The following TLK2 variants were observed in gnomAD, a reference collection of about 807,000 sequenced individuals.
TLK2 encodes the protein tousled like kinase 2.
A neutral mutation model predicts 117.3 loss-of-function variants in TLK2; 6 were observed. The ratio of observed to expected loss-of-function variants is 0.05; its 90% CI spans 0.03 to 0.10. The LOEUF is 0.10. Among genes scored for constraint, TLK2 ranks in the 10% least tolerant of loss-of-function variants. The pLI is 1.00. For synonymous variants in TLK2, 257 were observed against 316.7 expected (o/e 0.81, Z 2.00); for missense variants, 299 against 901.2 (o/e 0.33, Z 8.56).
At chr17:62,563,088 A>G (rs1485647265) in intron 10 of TLK2, among the ~76,000 whole-genome samples, 4 of 152,198 alleles carry the variant, frequency 2.6e-5, no homozygotes, top group African/African-American at 9.7e-5. Context: ...AAATTATTAT[A>G]TTGTCATACA....
chr17:62,526,843 G>A (rs2076396250), intron 6 of TLK2, among the ~76,000 whole-genome samples: 1 of 152,142 alleles, frequency 6.6e-6, no homozygotes, highest in African/African-American at 2.4e-5. Flanking sequence ...TTTCAAAGTA[G>A]TCTCCTTGTT....
intron 2 of TLK2, among the ~76,000 whole-genome samples, chr17:62,508,715 G>T (rs1286462697): frequency 6.6e-6 from 1 of 152,094 alleles, no homozygotes; most frequent in Non-Finnish European, 1.5e-5. Flanking sequence ...GCCTGTAATC[G>T]CAGCACTTTG....
chr17:62,524,202 G>C, intron 5 of TLK2, 34 bp from the exon 6 acceptor site: 2 of 1,612,798 alleles, frequency 1.2e-6, no homozygotes, highest in South Asian at 1.1e-5. Flanking sequence ...GTACTGTTTT[G>C]AATTATTCAT....
At chr17:62,480,072 T>G (rs1015570590) in intron 1 of TLK2, among the ~76,000 whole-genome samples, 2 of 152,254 alleles carry the variant, frequency 1.3e-5, no homozygotes, top group African/African-American at 4.8e-5. Context: ...TTCATTCCCC[T>G]TTGCCCCAGG....
chr17:62,540,400 A>ATTTTTTTTTTTTTTTTTTTTTT lies in TLK2; in HGVS notation c.531+4065_531+4086dup, dbSNP rs534202077. ...ATTTTACCTTCAAAATATGTTCAGA[A>ATTTTTTTTTTTTTTTTTTTTTT]TTTTTTTTTTTTTTTTTTTTTTTGA... is the stretch of plus-strand genomic sequence containing the variant. On this transcript the variant is annotated intron_variant, in intron 7 of 21. Transcript: ENST00000346027. 9.0e-4 allele frequency among the ~76,000 whole-genome samples: 18 copies of ATTTTTTTTTTTTTTTTTTTTTT among 19,988 alleles called. 3 individuals carry two copies. Among genetic ancestry groups the ATTTTTTTTTTTTTTTTTTTTTT allele is most frequent in the Non-Finnish European group, 1.5e-3 (7 of 4,526 alleles). The allele number at this position is 19,988 out of a possible 152,430, so 13.1% of individuals were successfully genotyped here. A position where few individuals can be genotyped will look rare whatever the true frequency, so the allele number is the denominator to read the frequency against.
chr17:62,526,854 T>C (rs2145649558), intron 6 of TLK2, among the ~76,000 whole-genome samples: 1 of 152,360 alleles, frequency 6.6e-6, no homozygotes, highest in African/African-American at 2.4e-5. Context: ...TCTCCTTGTT[T>C]TTGCCCTTGT....
intron 15 of TLK2, among the ~76,000 whole-genome samples, 167 bp downstream of exon 15, chr17:62,580,359 G>T (rs758413790): frequency 1.3e-5 from 2 of 152,040 alleles, no homozygotes; most frequent in Non-Finnish European, 2.9e-5. Flanking sequence ...AAACCTAAGT[G>T]ACCAAGCAGA....
Position 62,486,353 on chromosome 17 carries a change from T to C in TLK2, c.81+5147T>C, listed in dbSNP as rs540671913. 3.3e-5 allele frequency among the ~76,000 whole-genome samples: 5 copies of C among 151,502 alleles called. No homozygotes were observed. In the East Asian group the frequency reaches 9.8e-4, roughly 30 times the overall value. ...TTATATTTTTAGTAGAGATGGGGTT[T>C]TGCCATGTTAGTTGGCCAGGATGGT... On this transcript the variant is annotated intron_variant, in intron 2 of 21. Coordinates refer to ENST00000346027, the MANE Select transcript of TLK2 (RefSeq NM_006852.6).
chr17:62,533,067 C>G (rs1194905332), intron 6 of TLK2, among the ~76,000 whole-genome samples: 1 of 151,864 alleles, frequency 6.6e-6, no homozygotes, highest in African/African-American at 2.4e-5. Flanking sequence ...TTGGATTTCT[C>G]TTTTAATGCT....
rs1052672934 is a variant in TLK2, at chr17:62,561,683, C to T, written c.831+1557C>T. On this transcript the variant is annotated intron_variant, in intron 10 of 21. Transcript: ENST00000346027. ...GTGAAATGAATTATTTTATTGAGGC[C>T]GAAGATACTGGGGGAAATTTTGTTT... Among the ~76,000 whole-genome samples the T allele has an allele frequency of 2.1e-4, 32 of 152,050 alleles. No individual in the cohort carries two copies. The Middle Eastern group carries it at 0.014, about 65-fold the overall frequency.
At chr17:62,601,821 T>A (rs184364217) in intron 18 of TLK2, among the ~76,000 whole-genome samples, 4,101 of 152,288 alleles carry the variant, frequency 0.027, 94 homozygotes, top group Non-Finnish European at 0.042. Flanking sequence ...TAGTGGTGGT[T>A]TTGGCACATT....
At chr17:62,605,798 A>G (rs2083246990) in intron 19 of TLK2, among the ~76,000 whole-genome samples, 1 of 150,888 alleles carries the variant, frequency 6.6e-6, no homozygotes. Context: ...TGAGTCCAGG[A>G]GTTTGAGACC....
chr17:62,519,854 A>G (rs1439549986), intron 2 of TLK2, among the ~76,000 whole-genome samples: 2 of 152,158 alleles, frequency 1.3e-5, no homozygotes, highest in African/African-American at 2.4e-5. Flanking sequence ...GGTCTCTCCT[A>G]CAAACTAGCC....
intron 6 of TLK2, among the ~76,000 whole-genome samples, chr17:62,528,441 A>G (rs1475613850): frequency 6.6e-6 from 1 of 151,928 alleles, no homozygotes; most frequent in Non-Finnish European, 1.5e-5. Context: ...TTTGGAGACA[A>G]AGTCTCACTG....
chr17:62,567,672 T>C (rs981867657), intron 11 of TLK2, among the ~76,000 whole-genome samples: 1 of 151,584 alleles, frequency 6.6e-6, no homozygotes, highest in Non-Finnish European at 1.5e-5. Flanking sequence ...CTCCAAGACA[T>C]GTGAAGTAAT....
In TLK2 at chr17:62,578,494, G is replaced by A. The variant is rs759929663; in HGVS notation, c.1206G>A (p.Gln402=). Residue 402 remains glutamine (Q), a synonymous_variant, in exon 14 of 22, where the codon CAG becomes CAA. Transcript: ENST00000346027. ...GHLKKEEAEI[Q]AELERLERVR... is the part of the protein sequence containing the mutation. Reference sequence around the variant, plus strand: ...CGCTTTAGGAGGAAGCAGAGATCCAGGCAGAGCTGGAGAGACTAGAAAGGG... The same window carrying A: ...CGCTTTAGGAGGAAGCAGAGATCCAAGCAGAGCTGGAGAGACTAGAAAGGG... 1 of 1,613,872 alleles carries A rather than the reference G, an allele frequency of 6.2e-7. No homozygotes were observed. Among genetic ancestry groups the A allele is most frequent in the Admixed American group, 1.7e-5 (1 of 60,008 alleles).
chr17:62,583,838 A>G (rs771956051), intron 15 of TLK2, among the ~76,000 whole-genome samples: 2 of 152,146 alleles, frequency 1.3e-5, no homozygotes, highest in African/African-American at 4.8e-5. Flanking sequence ...CGGCCTCCCA[A>G]AGTGCTGGGA....
intron 16 of TLK2, among the ~76,000 whole-genome samples, chr17:62,586,593 A>G (rs1018709827): frequency 6.6e-6 from 1 of 152,092 alleles, no homozygotes; most frequent in Non-Finnish European, 1.5e-5. Flanking sequence ...AGGCTGAGGC[A>G]GGCAGATCAC....
intron 2 of TLK2, among the ~76,000 whole-genome samples, chr17:62,512,888 TATTATTAGA>T (rs1043865060): frequency 2.0e-5 from 3 of 148,058 alleles, no homozygotes; most frequent in African/African-American, 7.4e-5. Context: ...TTATTATTAT[TATTATTAGA>T]GACGAAGTTT....
Sources: gnomAD v4.1 joint callset for allele counts (sites outside exome capture counted in the v4.1 genomes callset) on GRCh38, gnomAD v4.1.1 for gene constraint, MANE v1.5 for transcripts, NCBI Gene and HGNC (gene_info 2026-07-23, HGNC 2026-07-21) for gene names.